Variants in GRIA1 observed in about 807,000 individuals in gnomAD.
GRIA1 encodes glutamate ionotropic receptor AMPA type subunit 1.
A neutral mutation model predicts 99.2 loss-of-function variants in GRIA1; 31 were observed. The observed-to-expected ratio is 0.31, with a 90% CI of 0.23 to 0.42. GRIA1 has a LOEUF of 0.42. Ranked by LOEUF, GRIA1 falls within the 10% of genes least tolerant of loss-of-function variation. GRIA1 has a pLI of 1.00. For missense variants in GRIA1, 782 were observed against 1,157.5 expected (o/e 0.68, Z 4.71); for synonymous variants, 438 against 432.4 (o/e 1.01, Z -0.16).
Position 153,650,146 on chromosome 5 carries a change from A to G in GRIA1, c.461-184A>G, listed in dbSNP as rs540597548. ...TTTTTAATCACTAGTTCTACCATCT[A>G]TGTTCAGAAACACAGTGTCTGATCT... On this transcript the variant is annotated intron_variant, in intron 3 of 15. Coordinates refer to ENST00000285900, the MANE Select transcript of GRIA1 (RefSeq NM_000827.4). Among the ~76,000 whole-genome samples, 5 of 152,322 alleles carry G rather than the reference A, an allele frequency of 3.3e-5. No homozygotes were observed. The East Asian group carries it at 7.7e-4, about 24-fold the overall frequency.
intron 5 of GRIA1, among the ~76,000 whole-genome samples, chr5:153,666,115 G>A (rs1340173913): frequency 1.3e-5 from 2 of 152,104 alleles, no homozygotes; most frequent in East Asian, 1.9e-4. Context: ...AGACCTCTTT[G>A]ATCCACAAGA....
At chr5:153,581,964 G>A (rs1041955887) in intron 2 of GRIA1, among the ~76,000 whole-genome samples, 12 of 152,092 alleles carry the variant, frequency 7.9e-5, no homozygotes, top group African/African-American at 2.9e-4. Context: ...CACCATGTTG[G>A]CCAGGCTGGT....
chr5:153,559,819 AATTTT>A (rs1365204500), intron 2 of GRIA1, among the ~76,000 whole-genome samples: 1 of 152,160 alleles, frequency 6.6e-6, no homozygotes, highest in Non-Finnish European at 1.5e-5. Flanking sequence ...ATTTTGGTAT[AATTTT>A]ATACAAAAAA....
intron 13 of GRIA1, among the ~76,000 whole-genome samples, chr5:153,781,530 A>G (rs920965335): frequency 1.3e-5 from 2 of 152,148 alleles, no homozygotes; most frequent in Non-Finnish European, 2.9e-5. Context: ...AGAATTTAGC[A>G]TGCAGGAAAC....
intron 15 of GRIA1, among the ~76,000 whole-genome samples, chr5:153,807,764 C>T (rs142361189): frequency 5.9e-5 from 9 of 152,226 alleles, no homozygotes; most frequent in South Asian, 2.1e-4. Context: ...CCCTGCCCCT[C>T]CCCTCTGCCT....
At chr5:153,503,992 GC>G (rs2113260835) in intron 2 of GRIA1, among the ~76,000 whole-genome samples, 1 of 152,262 alleles carries the variant, frequency 6.6e-6, no homozygotes, top group East Asian at 1.9e-4. Flanking sequence ...GCCTTCACCT[GC>G]CCAGCTACAA....
chr5:153,583,795 C>G (rs1031125955), intron 2 of GRIA1, among the ~76,000 whole-genome samples: 1 of 152,126 alleles, frequency 6.6e-6, no homozygotes, highest in East Asian at 1.9e-4. Context: ...ATACACATGC[C>G]CTTCACTGAA....
intron 13 of GRIA1, among the ~76,000 whole-genome samples, chr5:153,771,743 A>C (rs1370946935): frequency 6.6e-6 from 1 of 152,250 alleles, no homozygotes; most frequent in Non-Finnish European, 1.5e-5. Flanking sequence ...GATCAAAAAG[A>C]AAAAACAAAT....
intron 2 of GRIA1, among the ~76,000 whole-genome samples, chr5:153,631,053 C>G (rs1752924772): frequency 6.6e-6 from 1 of 152,194 alleles, no homozygotes; most frequent in African/African-American, 2.4e-5. Flanking sequence ...ATAGTCCACT[C>G]TCTTGTTTAC....
intron 2 of GRIA1, among the ~76,000 whole-genome samples, chr5:153,587,286 C>T (rs545155128): frequency 1.3e-5 from 2 of 152,206 alleles, no homozygotes; most frequent in East Asian, 1.9e-4. Flanking sequence ...TTGTTTTTGC[C>T]ATGTGACATG....
At chr5:153,700,527 A>G (rs1244146896) in intron 10 of GRIA1, among the ~76,000 whole-genome samples, 1 of 152,228 alleles carries the variant, frequency 6.6e-6, no homozygotes, top group African/African-American at 2.4e-5. Context: ...TGGGTTGAAG[A>G]GTAGTCAGGG....
At chr5:153,661,179 C>T (rs1233703351) in intron 5 of GRIA1, among the ~76,000 whole-genome samples, 2 of 152,156 alleles carry the variant, frequency 1.3e-5, no homozygotes, top group African/African-American at 4.8e-5. Context: ...TTCTTCAGTG[C>T]CTCTCTTCCT....
chr5:153,640,295 C>T (rs958978732), intron 2 of GRIA1, among the ~76,000 whole-genome samples: 11 of 152,216 alleles, frequency 7.2e-5, no homozygotes, highest in Non-Finnish European at 1.2e-4. Context: ...CTTTTGCAGC[C>T]ATCTTCCAAC....
rs199668570 is a variant in GRIA1 at position 153,681,860 on chromosome 5, C to A, written c.1030-4365C>A. 1.2e-4 allele frequency among the ~76,000 whole-genome samples: 18 copies of A among 152,036 alleles called. No individual in the cohort carries two copies. In the East Asian group the frequency reaches 3.5e-3, roughly 30 times the overall value. ...ACCAACCTGGCCAACATAGTGAAAC[C>A]CTGTCTCTACTAAAAATACAAAAAG... On this transcript the variant is annotated intron_variant, in intron 7 of 15. Coordinates refer to ENST00000285900, the MANE Select transcript of GRIA1 (RefSeq NM_000827.4).
intron 2 of GRIA1, among the ~76,000 whole-genome samples, chr5:153,507,047 T>C (rs1345527666): frequency 6.6e-6 from 1 of 152,040 alleles, no homozygotes; most frequent in East Asian, 1.9e-4. Context: ...TACTTGAATA[T>C]GGGAGGTGGA....
chr5:153,602,542 AAAAG>A (rs1765074272), intron 2 of GRIA1, among the ~76,000 whole-genome samples: 2 of 104,022 alleles, frequency 1.9e-5, no homozygotes, highest in South Asian at 5.4e-4. Context: ...ATAATAAAAT[AAAAG>A]AAAATAAAAT....
At chr5:153,545,874 C>T (rs1278962448) in intron 2 of GRIA1, among the ~76,000 whole-genome samples, 1 of 152,200 alleles carries the variant, frequency 6.6e-6, no homozygotes, top group African/African-American at 2.4e-5. Context: ...ATTTGGCCCA[C>T]ACACCATAGT....
At chr5:153,501,357 A>G (rs1263531911) in intron 2 of GRIA1, among the ~76,000 whole-genome samples, 2 of 152,202 alleles carry the variant, frequency 1.3e-5, no homozygotes, top group African/African-American at 4.8e-5. Flanking sequence ...CCATGATTCT[A>G]TGAAAGCATA....
intron 2 of GRIA1, among the ~76,000 whole-genome samples, chr5:153,525,819 C>T (rs1757540938): frequency 6.6e-6 from 1 of 152,178 alleles, no homozygotes; most frequent in Admixed American, 6.5e-5. Flanking sequence ...TTTCCCTCCT[C>T]ATTTCCCTGG....
Sources: allele counts gnomAD v4.1 joint callset (sites outside exome capture counted in the v4.1 genomes callset), GRCh38; gene constraint gnomAD v4.1.1; transcripts MANE v1.5; gene names NCBI Gene and HGNC (gene_info 2026-07-23, HGNC 2026-07-21).